RBFOX1: variants seen among roughly 807,000 people sequenced by gnomAD.
RBFOX1 encodes RNA binding protein fox-1 homolog 1.
In RBFOX1, 8 loss-of-function variants were observed where a neutral mutation model predicts 57.7. That is an observed-to-expected ratio of 0.14 (90% CI 0.08 to 0.25). The LOEUF is 0.25. Ranked by LOEUF, RBFOX1 falls within the 10% of genes least tolerant of loss-of-function variation. The probability of loss-of-function intolerance (pLI) is 1.00; values close to 1 mark genes in which losing one functional copy is unlikely to be tolerated. For synonymous variants in RBFOX1, 326 were observed against 222.4 expected (o/e 1.47, Z -4.15); for missense variants, 611 against 548.5 (o/e 1.11, Z -1.14).
intron 3 of RBFOX1, among the ~76,000 whole-genome samples, chr16:6,766,523 T>A (rs541831662): frequency 6.6e-6 from 1 of 152,030 alleles, no homozygotes; most frequent in East Asian, 1.9e-4. Flanking sequence ...AATAGCACTG[T>A]CCAATAGAAC....
chr16:5,958,087 C>T (rs1156889100), intron 4 of RBFOX1, among the ~76,000 whole-genome samples: 8 of 152,088 alleles, frequency 5.3e-5, no homozygotes, highest in Non-Finnish European at 1.0e-4. Context: ...ACTTCAAATT[C>T]TTCATGTGTG....
intron 4 of RBFOX1, among the ~76,000 whole-genome samples, chr16:7,132,560 G>A (rs1212785533): frequency 6.6e-6 from 1 of 151,150 alleles, no homozygotes; most frequent in Non-Finnish European, 1.5e-5. Flanking sequence ...ATAATGGTGA[G>A]AGGCACACAT....
intron 3 of RBFOX1, among the ~76,000 whole-genome samples, chr16:6,859,531 TGA>T (rs2058640275): frequency 6.6e-6 from 1 of 151,940 alleles, no homozygotes; most frequent in South Asian, 2.1e-4. Context: ...TTCCCAAATG[TGA>T]GTGGTTTTTA....
At chr16:6,094,974 C>T (rs1238878863) in intron 1 of RBFOX1, among the ~76,000 whole-genome samples, 3 of 152,104 alleles carry the variant, frequency 2.0e-5, no homozygotes, top group East Asian at 1.9e-4. Flanking sequence ...GCAGGAGAAT[C>T]GCTGGAACCC....
At chr16:5,710,488 A>G (rs1319621407) in intron 3 of RBFOX1, among the ~76,000 whole-genome samples, 1 of 152,166 alleles carries the variant, frequency 6.6e-6, no homozygotes, top group African/African-American at 2.4e-5. Context: ...CACAAGTCAC[A>G]ATGCTGCCCT....
chr16:5,343,298 G>GTTTTTTTTTTTTTTTTTTT (rs33934959), intron 1 of RBFOX1, among the ~76,000 whole-genome samples: 2 of 109,950 alleles, frequency 1.8e-5, no homozygotes, highest in East Asian at 3.0e-4. Context: ...CTTCTTTGAA[G>GTTTTTTTTTTTTTTTTTTT]TTTTTTTTTT....
At chr16:7,310,215 G>C (rs548148259) in intron 4 of RBFOX1, among the ~76,000 whole-genome samples, 5 of 152,322 alleles carry the variant, frequency 3.3e-5, no homozygotes, top group African/African-American at 1.2e-4. Flanking sequence ...GACAGAGCTG[G>C]CCAGGGTTCT....
At chr16:6,701,284 G>T (rs944126783) in intron 3 of RBFOX1, among the ~76,000 whole-genome samples, 1 of 152,188 alleles carries the variant, frequency 6.6e-6, no homozygotes, top group African/African-American at 2.4e-5. Context: ...GGCCCTGAAG[G>T]GGCTGACAGC....
At chr16:5,365,702 C>G (rs1370718006) in intron 1 of RBFOX1, 1 of 360,928 alleles carries the variant, frequency 2.8e-6, no homozygotes, top group African/African-American at 2.2e-5. Context: ...AGAGCTTTCC[C>G]TGGTGTGATT....
intron 1 of RBFOX1, chr16:5,240,196 G>T: frequency 1.1e-6 from 1 of 911,618 alleles, no homozygotes; most frequent in Non-Finnish European, 1.7e-6. Context: ...TCCGTGGCCG[G>T]CCCCGGGTTG....
At chr16:5,455,636 G>A (rs653127) in intron 1 of RBFOX1, among the ~76,000 whole-genome samples, 101,425 of 151,996 alleles carry the variant, frequency 0.67, 34,083 homozygotes, top group African/African-American at 0.75. Flanking sequence ...CTTCTCTCAC[G>A]CAGACCCATT....
intron 3 of RBFOX1, among the ~76,000 whole-genome samples, chr16:7,004,599 T>A (rs888736362): frequency 6.6e-6 from 1 of 152,242 alleles, no homozygotes; most frequent in Non-Finnish European, 1.5e-5. Flanking sequence ...TTCTATTTAA[T>A]GGCTTTAATT....
intron 2 of RBFOX1, among the ~76,000 whole-genome samples, chr16:5,541,360 G>A (rs1274786630): frequency 6.6e-6 from 1 of 152,070 alleles, no homozygotes; most frequent in Non-Finnish European, 1.5e-5. Context: ...ACTGCCTCAG[G>A]AGGTCTTCAT....
rs960048328 is a variant in RBFOX1, at chr16:5,995,486, A to C, written c.351+128151A>C. On this transcript the variant is annotated intron_variant, in intron 4 of 19. Transcript: ENST00000641259. ...TAGAGAGAGAGGGAGAAAAAAAATAAATCTTTTTAAGGATGATTATTATGC... is the reference window on the plus strand; with the variant it reads ...TAGAGAGAGAGGGAGAAAAAAAATACATCTTTTTAAGGATGATTATTATGC... Among the ~76,000 whole-genome samples, 5 of 152,308 alleles carry C rather than the reference A, an allele frequency of 3.3e-5. No individual in the cohort carries two copies. In the East Asian group the frequency reaches 9.7e-4, roughly 29 times the overall value.
chr16:7,507,511 A>G (rs1302703673), intron 4 of RBFOX1, among the ~76,000 whole-genome samples: 1 of 148,998 alleles, frequency 6.7e-6, no homozygotes, highest in Non-Finnish European at 1.5e-5. Context: ...AGAGATTCTG[A>G]GGCAGTAGGT....
chr16:6,006,957 T>A (rs1465720850), intron 4 of RBFOX1, among the ~76,000 whole-genome samples: 1 of 152,174 alleles, frequency 6.6e-6, no homozygotes, highest in East Asian at 1.9e-4. Flanking sequence ...CATGTAGGAT[T>A]ATATCTCACT....
intron 2 of RBFOX1, among the ~76,000 whole-genome samples, chr16:5,596,822 T>C (rs1484286403): frequency 2.0e-5 from 3 of 152,154 alleles, no homozygotes; most frequent in Admixed American, 1.3e-4. Context: ...CTCCCCCTTC[T>C]CTCCCCATTC....
chr16:5,745,811 T>A (rs967175357), intron 3 of RBFOX1, among the ~76,000 whole-genome samples: 4 of 152,252 alleles, frequency 2.6e-5, no homozygotes, highest in African/African-American at 4.8e-5. Flanking sequence ...TAAATTTGTT[T>A]GAGTTCATTG....
At chr16:6,825,763 C>T (rs1165396062) in intron 3 of RBFOX1, among the ~76,000 whole-genome samples, 2 of 151,956 alleles carry the variant, frequency 1.3e-5, no homozygotes, top group African/African-American at 4.8e-5. Context: ...GTAACGGGGT[C>T]CTGAAGACAC....
Sources: gnomAD v4.1 joint callset for allele counts (sites outside exome capture counted in the v4.1 genomes callset) on GRCh38, gnomAD v4.1.1 for gene constraint, MANE v1.5 for transcripts, NCBI Gene and HGNC (gene_info 2026-07-23, HGNC 2026-07-21) for gene names.